The following COL14A1 variants were observed in gnomAD, a reference collection of about 807,000 sequenced individuals.
COL14A1 encodes collagen type XIV alpha 1 chain, also known as collagen alpha-1(XIV) chain.
A neutral mutation model predicts 230.3 loss-of-function variants in COL14A1; 136 were observed. That is an observed-to-expected ratio of 0.59 (90% confidence interval 0.51 to 0.68). The LOEUF (loss-of-function observed/expected upper bound fraction) is 0.68. Ranked by LOEUF, COL14A1 falls within the 30% of genes least tolerant of loss-of-function variation. The pLI is 0.00. For missense variants in COL14A1, 1,976 were observed against 2,215.8 expected (o/e 0.89, Z 2.17); for synonymous variants, 792 against 784.1 (o/e 1.01, Z -0.17).
chr8:120,165,913 C>A (rs1240832618), intron 4 of COL14A1, among the ~76,000 whole-genome samples: 1 of 152,104 alleles, frequency 6.6e-6, no homozygotes, highest in Non-Finnish European at 1.5e-5. Flanking sequence ...GGGTCCAGGG[C>A]ATTATCCCTG....
rs1157438635 is a variant in COL14A1 at position 120,373,564 on chromosome 8, A to G, written c.*2333A>G. On this transcript the variant is annotated 3_prime_UTR_variant, in exon 48 of 48. Transcript: ENST00000297848. ...TTTTCTAAAAGTAATAAATCATTTC[A>G]TGAAAAATACATTACTCTTCAGAAT... 1.3e-5 allele frequency among the ~76,000 whole-genome samples: 2 copies of G among 152,202 alleles called. No individual in the cohort carries two copies. The highest frequency in any genetic ancestry group is 2.9e-5 in the Non-Finnish European group (2 of 68,040).
At chr8:120,186,555 A>C (rs1816657937) in intron 5 of COL14A1, among the ~76,000 whole-genome samples, 2 of 151,968 alleles carry the variant, frequency 1.3e-5, no homozygotes, top group African/African-American at 2.4e-5. Flanking sequence ...AATAGTACAC[A>C]CTCTCCTTTC....
At chr8:120,183,072 C>A (rs1331528745) in intron 5 of COL14A1, among the ~76,000 whole-genome samples, 1 of 152,014 alleles carries the variant, frequency 6.6e-6, no homozygotes, top group African/African-American at 2.4e-5. Flanking sequence ...CACATATTTT[C>A]AAAGGAATTA....
chr8:120,281,310 G>A (rs998013243), intron 31 of COL14A1, among the ~76,000 whole-genome samples: 10 of 151,912 alleles, frequency 6.6e-5, no homozygotes, highest in Middle Eastern at 3.2e-3. Flanking sequence ...TCCTGTAATC[G>A]TAACACTTTG....
intron 35 of COL14A1, among the ~76,000 whole-genome samples, 173 bp from the exon 36 acceptor site, chr8:120,300,559 A>C (rs1820679030): frequency 6.6e-6 from 1 of 152,120 alleles, no homozygotes; most frequent in South Asian, 2.1e-4. Context: ...GGAGGTACCC[A>C]TTCATTTTTC....
In COL14A1 at chr8:120,373,288, TTGG is replaced by T. The variant is rs1436468480; in HGVS notation, c.*2060_*2062del. Among the ~76,000 whole-genome samples the T allele has an allele frequency of 2.0e-5, 3 of 152,206 alleles. No homozygotes were observed. The highest frequency in any genetic ancestry group is 3.8e-4 in the East Asian group (2 of 5,196). On this transcript the variant is annotated 3_prime_UTR_variant, in exon 48 of 48. Coordinates refer to ENST00000297848, the MANE Select transcript of COL14A1 (RefSeq NM_021110.4). Reference sequence around the variant, plus strand: ...CAAATACACTTGGCTTTGATTTCACTTGGTGATCTAAATTTGTTTATTTAAGCT... The same window carrying T: ...CAAATACACTTGGCTTTGATTTCACTTGATCTAAATTTGTTTATTTAAGCT...
chr8:120,155,885 A>G (rs1456206953), intron 2 of COL14A1, among the ~76,000 whole-genome samples: 1 of 152,148 alleles, frequency 6.6e-6, no homozygotes, highest in Non-Finnish European at 1.5e-5. Context: ...TTCCTCTTCC[A>G]TTTGAAAAAA....
chr8:120,234,428 A>C (rs1428285538), intron 19 of COL14A1, among the ~76,000 whole-genome samples: 2 of 152,198 alleles, frequency 1.3e-5, no homozygotes, highest in African/African-American at 4.8e-5. Flanking sequence ...TTGCCCATTC[A>C]GTATGATATT....
intron 5 of COL14A1, among the ~76,000 whole-genome samples, chr8:120,193,462 C>G (rs567618487): frequency 1.3e-5 from 2 of 152,188 alleles, no homozygotes; most frequent in Admixed American, 1.3e-4. Flanking sequence ...CCCTACTGGG[C>G]GGTGCCTCCC....
chr8:120,299,615 G>C (rs1300004714), intron 35 of COL14A1, among the ~76,000 whole-genome samples: 2 of 152,066 alleles, frequency 1.3e-5, no homozygotes, highest in African/African-American at 2.4e-5. Context: ...TCTGGCTACA[G>C]GTGGCCTGTT....
intron 45 of COL14A1, among the ~76,000 whole-genome samples, chr8:120,349,348 C>T (rs1203922491): frequency 1.3e-5 from 2 of 150,878 alleles, no homozygotes; most frequent in East Asian, 1.9e-4. Context: ...TCCAAGGGAA[C>T]GCAGCTCCTC....
chr8:120,371,020 T>C (rs1823568240), intron 47 of COL14A1, 132 bp from the exon 48 acceptor site: 1 of 1,032,428 alleles, frequency 9.7e-7, no homozygotes, highest in African/African-American at 1.6e-5. Context: ...ACAAGGGGCG[T>C]GGTGGATTAA....
intron 9 of COL14A1, among the ~76,000 whole-genome samples, chr8:120,206,567 T>C (rs1817439514): frequency 6.6e-6 from 1 of 152,226 alleles, no homozygotes; most frequent in African/African-American, 2.4e-5. Flanking sequence ...CAGGCTAGTC[T>C]TGAACTCCTG....
intron 23 of COL14A1, among the ~76,000 whole-genome samples, chr8:120,259,753 T>C (rs1399041401): frequency 2.0e-5 from 3 of 152,214 alleles, no homozygotes; most frequent in Non-Finnish European, 2.9e-5. Flanking sequence ...ATTTCTAGAA[T>C]TGACTCCTGG....
At position 120,231,572 on chromosome 8, in the gene COL14A1, C is replaced by T. The variant is rs779191848; in HGVS notation, c.2303C>T (p.Thr768Ile). Residue 768 changes from threonine (T) to isoleucine (I), a missense_variant, in exon 19 of 48, where the codon ACC (threonine) becomes ATC (isoleucine). Thr to Ile is a moderately conservative substitution (Grantham distance 89). Coordinates refer to ENST00000297848, the MANE Select transcript of COL14A1 (RefSeq NM_021110.4). ...SDSDVQQFRV[T>I]YMTAQGDPEE... ...AGCGATGTGCAGCAGTTTAGGGTGA[C>T]CTACATGACAGCTCAAGGGGACCCT... 1 of 1,613,966 alleles carries T rather than the reference C, an allele frequency of 6.2e-7. No homozygotes were observed. The highest frequency in any genetic ancestry group is 8.5e-7 in the Non-Finnish European group (1 of 1,179,964).
At chr8:120,349,133 C>T (rs1822649905) in intron 45 of COL14A1, among the ~76,000 whole-genome samples, 1 of 152,174 alleles carries the variant, frequency 6.6e-6, no homozygotes, top group Non-Finnish European at 1.5e-5. Flanking sequence ...CACACTGAAA[C>T]CTCACATGGC....
rs758947325 is a variant in COL14A1, at chr8:120,162,593, C to T, written c.349+24C>T. The T allele has an allele frequency of 4.4e-6, 7 of 1,584,626 alleles. No homozygotes were observed. In the Admixed American group the frequency reaches 1.3e-4, roughly 29 times the overall value. On this transcript the variant is annotated intron_variant, in intron 4 of 47. Coordinates refer to ENST00000297848, the MANE Select transcript of COL14A1 (RefSeq NM_021110.4). Reference sequence around the variant, plus strand: ...AAGTACGTATTTACAGTTCTCAAAGCACCTCCGCAGGACTCTGTCCCAGCC... The same window carrying T: ...AAGTACGTATTTACAGTTCTCAAAGTACCTCCGCAGGACTCTGTCCCAGCC...
At chr8:120,361,062 A>AT (rs141898281) in intron 45 of COL14A1, among the ~76,000 whole-genome samples, 4,385 of 147,020 alleles carry the variant, frequency 0.03, 192 homozygotes, top group African/African-American at 0.096. Context: ...CTCCAGTCAC[A>AT]TTTTTTTTTT....
intron 6 of COL14A1, 103 bp from the exon 7 acceptor site, chr8:120,197,708 T>G (rs1586757900): frequency 4.7e-6 from 6 of 1,271,708 alleles, no homozygotes; most frequent in Non-Finnish European, 6.4e-6. Flanking sequence ...AATAAAAAAT[T>G]TTTGCAAAGA....
Sources: allele counts gnomAD v4.1 joint callset (sites outside exome capture counted in the v4.1 genomes callset), GRCh38; gene constraint gnomAD v4.1.1; transcripts MANE v1.5; gene names NCBI Gene and HGNC (gene_info 2026-07-23, HGNC 2026-07-21).